DIAPH3: variants seen among roughly 807,000 people sequenced by gnomAD.
DIAPH3 encodes the protein protein diaphanous homolog 3.
A neutral mutation model predicts 144.3 loss-of-function variants in DIAPH3; 117 were observed. The observed-to-expected ratio is 0.81, with a 90% CI of 0.70 to 0.95. The LOEUF is 0.95. DIAPH3 is among the 40% of genes least tolerant of loss of function. The probability of loss-of-function intolerance (pLI) is 0.00; values close to 1 mark genes in which losing one functional copy is unlikely to be tolerated. For synonymous variants in DIAPH3, 519 were observed against 488.9 expected (o/e 1.06, Z -0.81); for missense variants, 1,421 against 1,412.7 (o/e 1.01, Z -0.09).
At chr13:59,883,769 T>C (rs901090562) in intron 20 of DIAPH3, among the ~76,000 whole-genome samples, 7 of 145,762 alleles carry the variant, frequency 4.8e-5, no homozygotes, top group South Asian at 4.6e-4. Flanking sequence ...CATCTGGAAC[T>C]CAAGCTTCCT....
chr13:59,704,535 T>C (rs1226442885), intron 27 of DIAPH3, among the ~76,000 whole-genome samples: 1 of 152,230 alleles, frequency 6.6e-6, no homozygotes, highest in Non-Finnish European at 1.5e-5. Context: ...TGTACAGTCA[T>C]GTGCTGCAGA....
At chr13:59,741,842 C>A (rs1332749422) in intron 27 of DIAPH3, among the ~76,000 whole-genome samples, 2 of 152,096 alleles carry the variant, frequency 1.3e-5, no homozygotes, top group African/African-American at 4.8e-5. Flanking sequence ...AAAATATTTC[C>A]TACCTATTGC....
chr13:60,038,319 A>G (rs1338583745), intron 5 of DIAPH3, among the ~76,000 whole-genome samples: 3 of 152,166 alleles, frequency 2.0e-5, no homozygotes, highest in Admixed American at 6.5e-5. Context: ...TAGCAACTTC[A>G]AATTTCTGAT....
intron 3 of DIAPH3, among the ~76,000 whole-genome samples, chr13:60,109,769 G>A (rs1172930590): frequency 6.6e-6 from 1 of 152,106 alleles, no homozygotes; most frequent in Non-Finnish European, 1.5e-5. Flanking sequence ...TGTTCACCTT[G>A]TTCAAAAAAC....
intron 5 of DIAPH3, among the ~76,000 whole-genome samples, chr13:60,035,173 G>A (rs2055121777): frequency 6.6e-6 from 1 of 152,160 alleles, no homozygotes; most frequent in Admixed American, 6.5e-5. Flanking sequence ...ATTGAGCTGA[G>A]TAGCTCTTAT....
chr13:59,839,384 C>T lies in DIAPH3; in HGVS notation c.2802G>A (p.Lys934=). 1.9e-6 allele frequency: 3 copies of T among 1,613,754 alleles called. No individual in the cohort carries two copies. The highest frequency in any genetic ancestry group is 1.1e-5 in the South Asian group (1 of 91,082). The change falls in exon 23 of 28, where the codon AAG becomes AAA. Residue 934 remains lysine (K), a synonymous_variant. Transcript: ENST00000400324. ...CAGGAGGGGGAAAGGTTTCCAATTC[C>T]TTCTCAAGCTGTTGAAGCTGCCTTC... The part of the protein sequence containing the change: ...QMGRQLQQLE[K]ELETFPPPED...
chr13:59,933,552 A>G (rs1477144682), intron 17 of DIAPH3, among the ~76,000 whole-genome samples: 1 of 152,228 alleles, frequency 6.6e-6, no homozygotes, highest in Non-Finnish European at 1.5e-5. Context: ...GAAACTCTGA[A>G]TCATAAAGTC....
At chr13:59,910,583 G>C (rs143337268) in intron 20 of DIAPH3, among the ~76,000 whole-genome samples, 4 of 151,730 alleles carry the variant, frequency 2.6e-5, no homozygotes, top group South Asian at 4.2e-4. Flanking sequence ...CAAAAAAATA[G>C]CTGAGTGTAG....
At chr13:59,881,157 T>A (rs1380443733) in intron 20 of DIAPH3, among the ~76,000 whole-genome samples, 1 of 145,872 alleles carries the variant, frequency 6.9e-6, no homozygotes, top group African/African-American at 2.8e-5. Flanking sequence ...TTAAAATATA[T>A]TATATTTTAA....
chr13:59,951,269 G>A (rs2049082144), intron 17 of DIAPH3, among the ~76,000 whole-genome samples: 1 of 152,032 alleles, frequency 6.6e-6, no homozygotes, highest in Admixed American at 6.6e-5. Flanking sequence ...TTTTATAAAA[G>A]GCATTTTCCC....
rs1012988621 is a variant in DIAPH3, at chr13:59,879,460, A to G, written c.2376T>C (p.Asn792=). ...TGAGCCGTGGCCGTAGTCTCTTCACATTGCTCATCTGATTGAAAAGAAAAC... is the reference window on the plus strand; with the variant it reads ...TGAGCCGTGGCCGTAGTCTCTTCACGTTGCTCATCTGATTGAAAAGAAAAC... ...EPEQFVVVMS[N]VKRLRPRLSA... The change falls in exon 21 of 28, where the codon AAT becomes AAC. Residue 792 remains asparagine (N), a synonymous_variant. Coordinates refer to ENST00000400324, the MANE Select transcript of DIAPH3 (RefSeq NM_001042517.2). 6 of 1,613,652 alleles carry G rather than the reference A, an allele frequency of 3.7e-6. No individual in the cohort carries two copies. The highest frequency in any genetic ancestry group is 5.1e-6 in the Non-Finnish European group (6 of 1,179,718).
At chr13:59,925,384 A>T (rs1594011050) in intron 17 of DIAPH3, among the ~76,000 whole-genome samples, 1 of 152,170 alleles carries the variant, frequency 6.6e-6, no homozygotes, top group Non-Finnish European at 1.5e-5. Context: ...TGAATCATCT[A>T]TGCATCCTTG....
intron 13 of DIAPH3, among the ~76,000 whole-genome samples, chr13:59,982,524 G>A (rs1464559434): frequency 1.3e-5 from 2 of 150,612 alleles, no homozygotes; most frequent in African/African-American, 4.9e-5. Context: ...TCTTCTCCCA[G>A]GACTCAGATA....
chr13:60,098,556 A>G (rs752269462), intron 3 of DIAPH3, among the ~76,000 whole-genome samples: 1 of 152,206 alleles, frequency 6.6e-6, no homozygotes, highest in Non-Finnish European at 1.5e-5. Flanking sequence ...ATATTAAAAT[A>G]AGACTTCTTT....
At chr13:59,962,554 C>G (rs1210248097) in intron 17 of DIAPH3, among the ~76,000 whole-genome samples, 1 of 152,158 alleles carries the variant, frequency 6.6e-6, no homozygotes, top group East Asian at 1.9e-4. Flanking sequence ...ATGGCTGAGC[C>G]TGGCACAAGT....
At chr13:60,101,293 T>C (rs2058261275) in intron 3 of DIAPH3, among the ~76,000 whole-genome samples, 1 of 152,156 alleles carries the variant, frequency 6.6e-6, no homozygotes, top group African/African-American at 2.4e-5. Context: ...TCCATATTAT[T>C]TATCTATGTT....
chr13:59,970,070 G>A lies in DIAPH3; in HGVS notation c.1960-12C>T, dbSNP rs1279980205. On this transcript the variant is annotated splice_polypyrimidine_tract_variant and intron_variant, in intron 16 of 27. Coordinates refer to ENST00000400324, the MANE Select transcript of DIAPH3 (RefSeq NM_001042517.2). ...TCATGAGGTCTGATCTACAATCAGA[G>A]AGAAGACTGATTCATCAATAGGTGA... is the stretch of plus-strand genomic sequence containing the variant. 1 of 1,470,628 alleles carries A rather than the reference G, an allele frequency of 6.8e-7. No individual in the cohort carries two copies. The highest frequency in any genetic ancestry group is 2.3e-5 in the East Asian group (1 of 43,242). The allele number at this position is 1,470,628 out of a possible 1,614,324, so 91.1% of individuals were successfully genotyped here. A position where few individuals can be genotyped will look rare whatever the true frequency, so the allele number is the denominator to read the frequency against.
intron 9 of DIAPH3, among the ~76,000 whole-genome samples, chr13:59,998,406 T>A (rs1270668630): frequency 6.6e-6 from 1 of 152,142 alleles, no homozygotes; most frequent in African/African-American, 2.4e-5. Context: ...CAGAGGTGTA[T>A]TTCACTCAAC....
intron 8 of DIAPH3, 72 bp from the exon 9 acceptor site, chr13:60,008,721 A>G: frequency 1.0e-6 from 1 of 969,728 alleles, no homozygotes; most frequent in Non-Finnish European, 1.7e-6. Context: ...GCTTTATCCT[A>G]CTAAAGAAGT....
Sources: allele counts gnomAD v4.1 joint callset (sites outside exome capture counted in the v4.1 genomes callset), GRCh38; gene constraint gnomAD v4.1.1; transcripts MANE v1.5; gene names NCBI Gene and HGNC (gene_info 2026-07-23, HGNC 2026-07-21).